TBC1D16: variants seen among roughly 807,000 people sequenced by gnomAD.
The protein encoded by TBC1D16 is TBC1 domain family member 16, also known as CTD-2529O21.1.
TBC1D16 carries 58 observed loss-of-function variants against 74.7 expected under a neutral mutation model. The ratio of observed to expected loss-of-function variants is 0.78; its 90% CI spans 0.63 to 0.97. TBC1D16 has a LOEUF of 0.97. Ranked by LOEUF, TBC1D16 falls within the 50% of genes least tolerant of loss-of-function variation. TBC1D16 has a pLI of 0.00. For synonymous variants in TBC1D16, 493 were observed against 474.7 expected (o/e 1.04, Z -0.50); for missense variants, 1,014 against 1,079.5 (o/e 0.94, Z 0.85).
At chr17:79,952,512 G>A (rs1470703389) in intron 4 of TBC1D16, 145 bp downstream of exon 4, 3 of 1,046,962 alleles carry the variant, frequency 2.9e-6, no homozygotes, top group Non-Finnish European at 4.0e-6. Flanking sequence ...CACAAGATCA[G>A]CGAGGGAGGA....
Position 79,949,815 on chromosome 17 carries a change from G to C in TBC1D16, c.1308C>G (p.Pro436=), listed in dbSNP as rs1269310616. 1 of 1,613,856 alleles carries C rather than the reference G, an allele frequency of 6.2e-7. No homozygotes were observed. The change falls in exon 7 of 12, where the codon CCC becomes CCG. Residue 436 remains proline, a synonymous_variant. Transcript: ENST00000310924. ...CGTGGCTGTAATAGCGCAGCAGGAAGGGCCAGACCTCCCCGCGGATTGACA... is the reference window on the plus strand; with the variant it reads ...CGTGGCTGTAATAGCGCAGCAGGAACGGCCAGACCTCCCCGCGGATTGACA... ...IDVSIRGEVW[P]FLLRYYSHES... is the part of the protein sequence containing the mutation.
intron 3 of TBC1D16, among the ~76,000 whole-genome samples, chr17:79,999,549 T>C (rs1053631024): frequency 1.5e-5 from 2 of 133,488 alleles, no homozygotes; most frequent in Non-Finnish European, 3.2e-5. Flanking sequence ...TTTTTTTTTT[T>C]TTTTTTTTTT....
chr17:80,014,314 A>G (rs2144695977), intron 1 of TBC1D16, among the ~76,000 whole-genome samples: 1 of 152,272 alleles, frequency 6.6e-6, no homozygotes, highest in Non-Finnish European at 1.5e-5. Flanking sequence ...CTGAGATCAC[A>G]TCACTGCACT....
rs1486563310 is a variant in TBC1D16 at position 79,936,673 on chromosome 17, T to G, written c.*4186A>C. 2 of 152,226 alleles carry G rather than the reference T, an allele frequency of 1.3e-5. No individual in the cohort carries two copies. The allele number at this position is 152,226 out of a possible 1,614,324, so 9.4% of individuals were successfully genotyped here. A position where few individuals can be genotyped will look rare whatever the true frequency, so the allele number is the denominator to read the frequency against. ...CATGAACCTTCGGGGGAAATTAGCT[T>G]TCTAGTTTGGGGGCGGTTCCCTCTG... On this transcript the variant is annotated 3_prime_UTR_variant, in exon 12 of 12. Transcript: ENST00000310924.
intron 1 of TBC1D16, among the ~76,000 whole-genome samples, chr17:80,015,927 C>T (rs1406106954): frequency 6.7e-6 from 1 of 149,140 alleles, no homozygotes; most frequent in Admixed American, 6.8e-5. Context: ...AGGAGAATCG[C>T]TTAAATCCAG....
rs537103237 is a variant in TBC1D16, at chr17:79,942,836, G to A, written c.1909-630C>T. Among the ~76,000 whole-genome samples the A allele has an allele frequency of 2.6e-5, 4 of 152,350 alleles. No individual in the cohort carries two copies. In the East Asian group the frequency reaches 7.7e-4, roughly 29 times the overall value. On this transcript the variant is annotated intron_variant, in intron 10 of 11. Transcript: ENST00000310924. ...GCTGAAATGATCGCCCTGTCCTTGAGCCTCTTTTCGGGCATACTTTGAGGA... is the reference window on the plus strand; with the variant it reads ...GCTGAAATGATCGCCCTGTCCTTGAACCTCTTTTCGGGCATACTTTGAGGA...
rs1011338961 is a variant in TBC1D16, at chr17:79,975,880, A to G, written c.780-23062T>C. ...GCAGAGCTCTGGGCTTCAGGATGGC[A>G]GCAGCAGCTCCGGCAGGCGGCTCTC... On this transcript the variant is annotated intron_variant, in intron 3 of 11. Transcript: ENST00000310924. The surrounding 1 kb of genome is among the most constrained non-coding windows in gnomAD (Gnocchi z 4.5). Among the ~76,000 whole-genome samples, 2 of 152,186 alleles carry G rather than the reference A, an allele frequency of 1.3e-5. No homozygotes were observed. Among genetic ancestry groups the G allele is most frequent in the Non-Finnish European group, 2.9e-5 (2 of 68,032 alleles).
intron 3 of TBC1D16, among the ~76,000 whole-genome samples, chr17:79,969,129 G>A (rs2033967110): frequency 6.6e-6 from 1 of 152,194 alleles, no homozygotes; most frequent in Admixed American, 6.5e-5. Flanking sequence ...GCTCACGCCT[G>A]TAATCCCAGT....
At chr17:80,014,632 A>G (rs1481222062) in intron 1 of TBC1D16, among the ~76,000 whole-genome samples, 3 of 152,100 alleles carry the variant, frequency 2.0e-5, no homozygotes, top group Non-Finnish European at 2.9e-5. Context: ...GTCTCCTCCA[A>G]TGCGGGAGCA....
Position 79,944,146 on chromosome 17 carries a change from G to A in TBC1D16, c.1908+762C>T. 1 of 1,535,920 alleles carries A rather than the reference G, an allele frequency of 6.5e-7. No homozygotes were observed. The highest frequency in any genetic ancestry group is 8.7e-7 in the Non-Finnish European group (1 of 1,146,768). ...GAGGACAGGAGACGCTGACGCAAAT[G>A]TCTTCCAGCAGATGGGTGTTTGCCT... is the stretch of plus-strand genomic sequence containing the variant. On this transcript the variant is annotated intron_variant, in intron 10 of 11. Transcript: ENST00000310924. The surrounding 1 kb of genome is among the most constrained non-coding windows in gnomAD (Gnocchi z 7.7).
chr17:79,984,389 A>G (rs1399101593), intron 3 of TBC1D16, among the ~76,000 whole-genome samples: 1 of 152,144 alleles, frequency 6.6e-6, no homozygotes, highest in Non-Finnish European at 1.5e-5. Flanking sequence ...TAACTTAGGC[A>G]TCGGAAGCAA....
At chr17:79,984,635 A>AGGAAGGAAGGAAGGAG in intron 3 of TBC1D16, among the ~76,000 whole-genome samples, 2 of 148,614 alleles carry the variant, frequency 1.3e-5, no homozygotes, top group Middle Eastern at 3.2e-3. Context: ...GAAGGAAGGA[A>AGGAAGGAAGGAAGGAG]GGAAGGAAGG....
At chr17:80,012,677 C>T (rs887501077) in intron 2 of TBC1D16, among the ~76,000 whole-genome samples, 8 of 152,078 alleles carry the variant, frequency 5.3e-5, no homozygotes, top group African/African-American at 1.4e-4. Context: ...TCCCAAAGTG[C>T]TGGGATTATA....
At chr17:80,031,006 C>G (rs1362260241) in intron 1 of TBC1D16, among the ~76,000 whole-genome samples, 1 of 152,220 alleles carries the variant, frequency 6.6e-6, no homozygotes, top group Non-Finnish European at 1.5e-5. Flanking sequence ...CGCGTTGCCC[C>G]CGCTGCAGAA....
chr17:79,977,071 C>A (rs1276572989), intron 3 of TBC1D16, among the ~76,000 whole-genome samples: 1 of 152,232 alleles, frequency 6.6e-6, no homozygotes, highest in Non-Finnish European at 1.5e-5. Flanking sequence ...ACCCAAGCAT[C>A]TCTGTTGCCC....
chr17:79,974,114 C>T (rs777630295), intron 3 of TBC1D16, among the ~76,000 whole-genome samples: 21 of 152,224 alleles, frequency 1.4e-4, no homozygotes, highest in Non-Finnish European at 2.6e-4. Context: ...GATCCTAGGG[C>T]AGCCGATCTG....
chr17:80,004,629 T>C (rs569942506), intron 3 of TBC1D16, among the ~76,000 whole-genome samples: 7 of 152,356 alleles, frequency 4.6e-5, no homozygotes, highest in Non-Finnish European at 8.8e-5. Context: ...TTCCCCACTG[T>C]AAGGAATACC....
At chr17:79,958,234 T>TTTTA (rs2033433585) in intron 3 of TBC1D16, among the ~76,000 whole-genome samples, 1 of 151,116 alleles carries the variant, frequency 6.6e-6, no homozygotes, top group African/African-American at 2.4e-5. Flanking sequence ...TTTTTTTTTT[T>TTTTA]GAGATGGAGT....
rs2035467216 is a variant in TBC1D16 at position 80,001,068 on chromosome 17, CT to C, written c.779+9091del. ...AGTGCTCGGCTGGGCGCCTGCTTGG[CT>C]TCTCCGCCTGACAGTGAGACTGCTG... On this transcript the variant is annotated intron_variant, in intron 3 of 11. Coordinates refer to ENST00000310924, the MANE Select transcript of TBC1D16 (RefSeq NM_019020.4). This position sits in a 1 kb window ranked among gnomAD's most constrained non-coding sequence, Gnocchi z 5.8. 6.6e-6 allele frequency among the ~76,000 whole-genome samples: 1 copy of C among 152,230 alleles called. No homozygotes were observed. The highest frequency in any genetic ancestry group is 6.5e-5 in the Admixed American group (1 of 15,290).
Sources: allele counts gnomAD v4.1 joint callset (sites outside exome capture counted in the v4.1 genomes callset), GRCh38; gene constraint gnomAD v4.1.1; non-coding constraint Gnocchi (gnomAD v3.1); transcripts MANE v1.5; gene names NCBI Gene and HGNC (gene_info 2026-07-23, HGNC 2026-07-21).